Variants in TMTC2 observed in about 807,000 individuals in gnomAD.
TMTC2 encodes protein O-mannosyl-transferase TMTC2.
In TMTC2, 43 loss-of-function variants were observed where a neutral mutation model predicts 82.4. That is an observed-to-expected ratio of 0.52 (90% CI 0.41 to 0.67). TMTC2 has a LOEUF of 0.67. TMTC2 is among the 30% of genes least tolerant of loss of function. TMTC2 has a pLI of 0.00. For synonymous variants in TMTC2, 408 were observed against 381.9 expected (o/e 1.07, Z -0.80); for missense variants, 919 against 1,012.4 (o/e 0.91, Z 1.25).
chr12:82,847,203 G>A (rs1870734770), intron 1 of TMTC2, among the ~76,000 whole-genome samples: 1 of 152,170 alleles, frequency 6.6e-6, no homozygotes, highest in South Asian at 2.1e-4. Flanking sequence ...GGGATTATAG[G>A]TTAAGTGGCA....
intron 11 of TMTC2, among the ~76,000 whole-genome samples, chr12:83,116,311 C>G (rs1160872611): frequency 1.3e-5 from 2 of 151,876 alleles, no homozygotes; most frequent in African/African-American, 4.8e-5. Context: ...TATATATATA[C>G]CACAGTTTCT....
chr12:82,933,064 A>G (rs1415974907), intron 4 of TMTC2, among the ~76,000 whole-genome samples: 1 of 152,136 alleles, frequency 6.6e-6, no homozygotes, highest in Non-Finnish European at 1.5e-5. Flanking sequence ...TTTCCCCGTA[A>G]TTGTTGGAAA....
intron 8 of TMTC2, among the ~76,000 whole-genome samples, chr12:83,004,165 A>C (rs1329280606): frequency 3.3e-5 from 5 of 152,108 alleles, no homozygotes; most frequent in African/African-American, 1.2e-4. Flanking sequence ...TGTGTTGTTA[A>C]TGCCTCCAAC....
intron 9 of TMTC2, among the ~76,000 whole-genome samples, chr12:83,039,820 C>T (rs771932653): frequency 2.0e-5 from 3 of 152,152 alleles, no homozygotes; most frequent in Non-Finnish European, 4.4e-5. Flanking sequence ...TATTATAGCT[C>T]TTCCAAAAAA....
chr12:83,065,678 A>T (rs1272373757), intron 11 of TMTC2, among the ~76,000 whole-genome samples: 2 of 151,792 alleles, frequency 1.3e-5, no homozygotes, highest in Non-Finnish European at 2.9e-5. Context: ...TTTGGAGGTT[A>T]CTTTAAATAG....
chr12:82,961,649 CTT>C (rs1487389948), intron 4 of TMTC2, among the ~76,000 whole-genome samples: 3 of 151,940 alleles, frequency 2.0e-5, no homozygotes, highest in African/African-American at 7.2e-5. Flanking sequence ...GCTGATAACT[CTT>C]TTTACTGTGG....
At chr12:83,013,478 A>G (rs901922361) in intron 8 of TMTC2, among the ~76,000 whole-genome samples, 2 of 152,154 alleles carry the variant, frequency 1.3e-5, no homozygotes, top group Non-Finnish European at 2.9e-5. Context: ...TTTCTTGCTT[A>G]TCTTTCAGTA....
chr12:82,750,238 A>G (rs1032008373), intron 1 of TMTC2, among the ~76,000 whole-genome samples: 28 of 51,162 alleles, frequency 5.5e-4, no homozygotes, highest in Admixed American at 1.2e-3. Flanking sequence ...CTAAAAGTTT[A>G]ATCTTTTTTT....
At chr12:82,832,166 C>G (rs1232005808) in intron 1 of TMTC2, among the ~76,000 whole-genome samples, 1 of 152,042 alleles carries the variant, frequency 6.6e-6, no homozygotes. Flanking sequence ...CTCAAACATG[C>G]TAGGTTTCTC....
chr12:82,711,286 A>G (rs2136913443), intron 1 of TMTC2, among the ~76,000 whole-genome samples: 1 of 152,348 alleles, frequency 6.6e-6, no homozygotes, highest in South Asian at 2.1e-4. Flanking sequence ...AGGATCACCT[A>G]CGCTAACAGA....
At chr12:82,807,115 T>C (rs984070889) in intron 1 of TMTC2, among the ~76,000 whole-genome samples, 74 of 152,164 alleles carry the variant, frequency 4.9e-4, no homozygotes, top group African/African-American at 1.8e-3. Flanking sequence ...TATTCGGAGA[T>C]ATTAGTGTGC....
At chr12:82,960,058 C>T (rs1321233275) in intron 4 of TMTC2, among the ~76,000 whole-genome samples, 1 of 151,900 alleles carries the variant, frequency 6.6e-6, no homozygotes, top group East Asian at 1.9e-4. Context: ...TGCCAACAAA[C>T]ATAAAAAATG....
chr12:82,865,260 A>G (rs1042366044), intron 2 of TMTC2, among the ~76,000 whole-genome samples: 2 of 152,100 alleles, frequency 1.3e-5, no homozygotes, highest in African/African-American at 4.8e-5. Context: ...TGTATTCAGG[A>G]AACCCATGTC....
intron 1 of TMTC2, among the ~76,000 whole-genome samples, chr12:82,724,071 C>T (rs780364722): frequency 1.3e-5 from 2 of 152,180 alleles, no homozygotes; most frequent in Non-Finnish European, 2.9e-5. Flanking sequence ...ATAATATCTG[C>T]AAGATGCCCT....
chr12:82,941,196 A>G (rs981395199), intron 4 of TMTC2, among the ~76,000 whole-genome samples: 5 of 152,098 alleles, frequency 3.3e-5, no homozygotes, highest in Admixed American at 2.6e-4. Flanking sequence ...TTTTTTTTAA[A>G]AGATGGGATC....
chr12:82,853,612 A>C (rs1204133379), intron 1 of TMTC2, among the ~76,000 whole-genome samples: 1 of 152,216 alleles, frequency 6.6e-6, no homozygotes, highest in Non-Finnish European at 1.5e-5. Flanking sequence ...ATAGTTGGTC[A>C]TGGCATTGAA....
At chr12:83,131,518 T>C (rs2137575062) in intron 11 of TMTC2, among the ~76,000 whole-genome samples, 1 of 152,332 alleles carries the variant, frequency 6.6e-6, no homozygotes, top group African/African-American at 2.4e-5. Flanking sequence ...AAATTTTTCT[T>C]AGAAAGGTTT....
chr12:82,705,592 G>T (rs1416986144), intron 1 of TMTC2, among the ~76,000 whole-genome samples: 3 of 152,204 alleles, frequency 2.0e-5, no homozygotes, highest in South Asian at 4.1e-4. Context: ...AGAAACATTT[G>T]AACTTCGTTT....
At chr12:82,995,255 T>C (rs778022416) in intron 8 of TMTC2, among the ~76,000 whole-genome samples, 6 of 152,266 alleles carry the variant, frequency 3.9e-5, no homozygotes, top group Non-Finnish European at 7.4e-5. Context: ...TAGAAACATA[T>C]TTCTTCTCAA....
Sources: allele counts gnomAD v4.1 joint callset (sites outside exome capture counted in the v4.1 genomes callset), GRCh38; gene constraint gnomAD v4.1.1; transcripts MANE v1.5; gene names NCBI Gene and HGNC (gene_info 2026-07-23, HGNC 2026-07-21).